The following ADAMTS6 variants were observed in gnomAD, a reference collection of about 807,000 sequenced individuals.
The protein encoded by ADAMTS6 is A disintegrin and metalloproteinase with thrombospondin motifs 6.
In ADAMTS6, 23 loss-of-function variants were observed where a neutral mutation model predicts 144.3. The observed-to-expected ratio is 0.16, with a 90% confidence interval of 0.11 to 0.23. The LOEUF is 0.23. Among genes scored for constraint, ADAMTS6 ranks in the 10% least tolerant of loss-of-function variants. ADAMTS6 has a pLI of 1.00. For synonymous variants in ADAMTS6, 444 were observed against 457.5 expected (o/e 0.97, Z 0.38); for missense variants, 999 against 1,379.6 (o/e 0.72, Z 4.37).
intron 10 of ADAMTS6, among the ~76,000 whole-genome samples, chr5:65,292,483 A>G (rs746259800): frequency 6.6e-5 from 10 of 151,812 alleles, no homozygotes; most frequent in Non-Finnish European, 1.5e-4. Context: ...GGACAGTACA[A>G]TTTTTCATTT....
chr5:65,190,615 A>G (rs1361237414), intron 21 of ADAMTS6, among the ~76,000 whole-genome samples: 1 of 152,176 alleles, frequency 6.6e-6, no homozygotes, highest in Non-Finnish European at 1.5e-5. Context: ...AATGATTCAG[A>G]AGTGTTGCAA....
intron 20 of ADAMTS6, among the ~76,000 whole-genome samples, chr5:65,209,147 A>G (rs1287952761): frequency 6.6e-6 from 1 of 152,258 alleles, no homozygotes; most frequent in Non-Finnish European, 1.5e-5. Flanking sequence ...GTCACAGTGC[A>G]TAGGTATACT....
chr5:65,370,206 G>A (rs1211254716), intron 7 of ADAMTS6, among the ~76,000 whole-genome samples: 2 of 152,102 alleles, frequency 1.3e-5, no homozygotes, highest in South Asian at 2.1e-4. Context: ...TCTGGAGTTC[G>A]AGACCAGCCT....
intron 12 of ADAMTS6, among the ~76,000 whole-genome samples, chr5:65,269,383 T>C (rs1258395884): frequency 1.3e-5 from 2 of 152,212 alleles, no homozygotes; most frequent in Non-Finnish European, 2.9e-5. Flanking sequence ...TGCTTTCTTA[T>C]TGTGATTCCT....
chr5:65,360,893 A>G (rs1749767197), intron 7 of ADAMTS6, among the ~76,000 whole-genome samples: 1 of 152,154 alleles, frequency 6.6e-6, no homozygotes, highest in South Asian at 2.1e-4. Flanking sequence ...CTTTTTACCA[A>G]TTTTTTTAAT....
chr5:65,297,170 G>C (rs1222933324), intron 10 of ADAMTS6: 1 of 454,024 alleles, frequency 2.2e-6, no homozygotes, highest in Admixed American at 2.4e-5. Context: ...AACGGAAATG[G>C]GTTCTTTATT....
At chr5:65,170,870 CT>C (rs1006964333) in intron 23 of ADAMTS6, 97 bp from the exon 24 acceptor site, 32,201 of 1,003,194 alleles carry the variant, frequency 0.032, 1 homozygote, top group South Asian at 0.043. Flanking sequence ...ACAATATGAA[CT>C]TTTTTTTTTT....
At chr5:65,250,964 CTTAAAA>C (rs1043834272) in intron 14 of ADAMTS6, among the ~76,000 whole-genome samples, 1 of 152,140 alleles carries the variant, frequency 6.6e-6, no homozygotes, top group African/African-American at 2.4e-5. Flanking sequence ...ACTTCTGCTA[CTTAAAA>C]TAGTTACAAT....
At chr5:65,294,874 A>G (rs1742681416) in intron 10 of ADAMTS6, among the ~76,000 whole-genome samples, 1 of 151,584 alleles carries the variant, frequency 6.6e-6, no homozygotes, top group African/African-American at 2.4e-5. Context: ...ACTTTTTATA[A>G]TAATAATTTC....
At chr5:65,387,002 AAAG>A (rs1752528346) in intron 7 of ADAMTS6, among the ~76,000 whole-genome samples, 1 of 152,248 alleles carries the variant, frequency 6.6e-6, no homozygotes, top group Admixed American at 6.5e-5. Context: ...TTTGCTATGG[AAAG>A]AAGAACAATA....
At chr5:65,241,317 G>A (rs559085303) in intron 15 of ADAMTS6, among the ~76,000 whole-genome samples, 8 of 139,396 alleles carry the variant, frequency 5.7e-5, no homozygotes, top group East Asian at 4.5e-4. Flanking sequence ...TGCAACCTCC[G>A]CCTCCTGGGT....
chr5:65,246,623 G>A (rs1759652656), intron 14 of ADAMTS6, among the ~76,000 whole-genome samples: 2 of 152,168 alleles, frequency 1.3e-5, no homozygotes, highest in African/African-American at 2.4e-5. Context: ...AATGATTTAT[G>A]TACATATCTG....
intron 14 of ADAMTS6, among the ~76,000 whole-genome samples, chr5:65,243,830 C>A (rs1032658782): frequency 6.6e-6 from 1 of 151,930 alleles, no homozygotes; most frequent in Non-Finnish European, 1.5e-5. Context: ...ACAAAAAAAA[C>A]AAACAAATAA....
At chr5:65,364,556 A>C (rs1423983546) in intron 7 of ADAMTS6, among the ~76,000 whole-genome samples, 58 of 142,130 alleles carry the variant, frequency 4.1e-4, no homozygotes, top group Middle Eastern at 7.3e-3. Context: ...TCCTGAATGA[A>C]TTTCTTTCTT....
In ADAMTS6 at chr5:65,210,869, A is replaced by G. The variant is rs565299098; in HGVS notation, c.2575+3925T>C. On this transcript the variant is annotated intron_variant, in intron 20 of 24. Transcript: ENST00000381055. ...AAAGCTCTTGCTGCCACAGGAGAGA[A>G]TCCAGTCTATGAGAAGCCCAAGAAA... The G allele has an allele frequency of 2.1e-5, 7 of 333,752 alleles. No individual in the cohort carries two copies. In the South Asian group the frequency reaches 3.8e-4, roughly 18 times the overall value. 20.7% of individuals were successfully genotyped at this position (333,752 alleles called of 1,614,324 possible). A position where few individuals can be genotyped will look rare whatever the true frequency, so the allele number is the denominator to read the frequency against.
At chr5:65,410,962 T>C (rs1754996897) in intron 7 of ADAMTS6, among the ~76,000 whole-genome samples, 1 of 152,194 alleles carries the variant, frequency 6.6e-6, no homozygotes, top group Non-Finnish European at 1.5e-5. Flanking sequence ...TTCAGGCTCC[T>C]GAGTAGCTGG....
chr5:65,431,307 A>G (rs898677785), intron 7 of ADAMTS6, among the ~76,000 whole-genome samples: 17 of 152,144 alleles, frequency 1.1e-4, no homozygotes, highest in African/African-American at 4.1e-4. Context: ...GCCATATTGT[A>G]TCATTTTAAG....
chr5:65,270,938 A>T (rs942767380), intron 12 of ADAMTS6, among the ~76,000 whole-genome samples: 5 of 152,178 alleles, frequency 3.3e-5, no homozygotes, highest in Non-Finnish European at 5.9e-5. Context: ...AAATGTATAT[A>T]TATTAGAATT....
intron 12 of ADAMTS6, among the ~76,000 whole-genome samples, chr5:65,266,449 A>AT (rs1312570566): frequency 6.6e-6 from 1 of 151,960 alleles, no homozygotes; most frequent in East Asian, 1.9e-4. Context: ...AATTTGTAAT[A>AT]TAAGTATCAG....
Sources: gnomAD v4.1 joint callset for allele counts (sites outside exome capture counted in the v4.1 genomes callset) on GRCh38, gnomAD v4.1.1 for gene constraint, MANE v1.5 for transcripts, NCBI Gene and HGNC (gene_info 2026-07-23, HGNC 2026-07-21) for gene names.